RECQL5: variants seen among roughly 807,000 people sequenced by gnomAD.
RECQL5 encodes ATP-dependent DNA helicase Q5.
In RECQL5, 88 loss-of-function variants were observed where a neutral mutation model predicts 103.4. The ratio of observed to expected loss-of-function variants is 0.85; its 90% CI spans 0.72 to 1.02. The LOEUF is 1.02. Ranked by LOEUF, RECQL5 falls within the 50% of genes least tolerant of loss-of-function variation. RECQL5 has a pLI of 0.00. For missense variants in RECQL5, 1,232 were observed against 1,284.3 expected, an observed-to-expected ratio of 0.96 and a Z score of 0.62; for synonymous variants, 552 against 507.9, an observed-to-expected ratio of 1.09 and a Z score of -1.17.
At chr17:75,655,222 C>T (rs1473219803) in intron 7 of RECQL5, among the ~76,000 whole-genome samples, 1 of 152,218 alleles carries the variant, frequency 6.6e-6, no homozygotes, top group African/African-American at 2.4e-5. Context: ...CAGGAGCCCG[C>T]CACCACGCGC....
rs2059702024 is a variant in RECQL5, at chr17:75,661,723, G to A, written c.772-15C>T. 6.3e-7 allele frequency: 1 copy of A among 1,594,924 alleles called. No homozygotes were observed. The highest frequency in any genetic ancestry group is 8.6e-7 in the Non-Finnish European group (1 of 1,162,786). ...CAGCCAGATAACTGAATGGGGAGAT[G>A]CAGGAAGAAAATAAGCATAGCAAGA... On this transcript the variant is annotated splice_polypyrimidine_tract_variant and intron_variant, in intron 4 of 19. Transcript: ENST00000317905.
intron 7 of RECQL5, among the ~76,000 whole-genome samples, chr17:75,657,008 T>C (rs980884572): frequency 5.9e-5 from 9 of 152,184 alleles, no homozygotes; most frequent in African/African-American, 2.2e-4. Flanking sequence ...CCTCCCAAAG[T>C]GCTGGGATTA....
chr17:75,656,838 G>A (rs1275516347), intron 7 of RECQL5, among the ~76,000 whole-genome samples: 2 of 150,766 alleles, frequency 1.3e-5, no homozygotes, highest in Non-Finnish European at 2.9e-5. Context: ...TCTGCCTCCT[G>A]GGTTCACGCC....
At chr17:75,649,915 G>C (rs1447932102) in intron 8 of RECQL5, 1 of 985,482 alleles carries the variant, frequency 1.0e-6, no homozygotes, top group Non-Finnish European at 1.2e-6. Context: ...GAAGGTGACA[G>C]GAGAAATGAA....
In RECQL5 at chr17:75,662,656, C is replaced by T; in HGVS notation, c.594G>A (p.Gln198=). The T allele has an allele frequency of 6.2e-7, 1 of 1,614,148 alleles. No individual in the cohort carries two copies. Among genetic ancestry groups the T allele is most frequent in the Non-Finnish European group, 8.5e-7 (1 of 1,180,038 alleles). The change falls in exon 4 of 20, where the codon CAG becomes CAA. Residue 198 remains glutamine (Q), a synonymous_variant. Coordinates refer to ENST00000317905, the MANE Select transcript of RECQL5 (RefSeq NM_004259.7). ...CVALTATATP[Q]VQEDVFAALH... ...GGGCAGCAAACACGTCCTCTTGGAC[C>T]TGTGGGGTGGCTGTGGCGGTCAGAG...
At position 75,631,645 on chromosome 17, in the gene RECQL5, T is replaced by C. The variant is rs1396725975; in HGVS notation, c.1253A>G (p.Lys418Arg). ...GGCAGGCAGCGCATCCCCGAAGTACTTGGCAATGGCGGCATGGCGGCACCT... is the reference window on the plus strand; with the variant it reads ...GGCAGGCAGCGCATCCCCGAAGTACCTGGCAATGGCGGCATGGCGGCACCT... ...ELGCRHAAIA[K>R]YFGDALPACA... The change falls in exon 9 of 20, where the codon AAG becomes AGG. Residue 418 changes from lysine to arginine, a missense_variant. Transcript: ENST00000317905. The C allele has an allele frequency of 1.2e-6, 2 of 1,611,522 alleles. No individual in the cohort carries two copies. Among genetic ancestry groups the C allele is most frequent in the South Asian group, 1.1e-5 (1 of 90,996 alleles).
chr17:75,645,161 A>G (rs1460250337), intron 8 of RECQL5, among the ~76,000 whole-genome samples: 1 of 152,242 alleles, frequency 6.6e-6, no homozygotes, highest in Non-Finnish European at 1.5e-5. Context: ...AGGCAAAGGA[A>G]GCTGGGTGTG....
intron 8 of RECQL5, chr17:75,634,086 G>C: frequency 1.0e-6 from 1 of 985,632 alleles, no homozygotes; most frequent in African/African-American, 1.7e-5. Flanking sequence ...TGTCAGCAGA[G>C]GAGCTGGGCT....
chr17:75,644,446 T>C (rs969658294), intron 8 of RECQL5, among the ~76,000 whole-genome samples: 6 of 149,858 alleles, frequency 4.0e-5, no homozygotes, highest in East Asian at 3.9e-4. Context: ...TCCCTACAAA[T>C]ATAAAAAAAA....
Position 75,665,194 on chromosome 17 carries a change from A to G in RECQL5, c.131-22T>C, listed in dbSNP as rs373347915. The stretch of plus-strand genomic sequence containing the variant: ...TTACCTGAAAAAATACAAGACAACA[A>G]TATCTCAGTGCTTCCTGCCTTTTCA... On this transcript the variant is annotated intron_variant, in intron 2 of 19. Coordinates refer to ENST00000317905, the MANE Select transcript of RECQL5 (RefSeq NM_004259.7). 33 of 1,599,654 alleles carry G rather than the reference A, an allele frequency of 2.1e-5. No individual in the cohort carries two copies. The African/African-American group carries it at 3.6e-4, about 18-fold the overall frequency.
intron 8 of RECQL5, chr17:75,647,512 G>C: frequency 1.3e-6 from 2 of 1,550,390 alleles, no homozygotes; most frequent in South Asian, 2.4e-5. Context: ...CATCGTGTTT[G>C]GTTTACTCAC....
Position 75,666,479 on chromosome 17 carries a change from C to A in RECQL5, c.79G>T (p.Asp27Tyr). The A allele has an allele frequency of 6.2e-7, 1 of 1,614,140 alleles. No individual in the cohort carries two copies. The highest frequency in any genetic ancestry group is 8.5e-7 in the Non-Finnish European group (1 of 1,180,034). Residue 27 changes from aspartate to tyrosine, a missense_variant, in exon 2 of 20, where the codon GAC becomes TAC. Coordinates refer to ENST00000317905, the MANE Select transcript of RECQL5 (RefSeq NM_004259.7). ...RSTLKKVFGFDSFKTPLQESA... is the reference protein window; with the variant it reads ...RSTLKKVFGFYSFKTPLQESA... ...TCCTGTAAAGGCGTCTTAAAAGAGT[C>A]AAACCCAAAGACCTTCTTCAGCGTA...
chr17:75,627,496 T>C lies in RECQL5; in HGVS notation c.2902A>G (p.Arg968Gly). The C allele has an allele frequency of 6.2e-7, 1 of 1,613,894 alleles. No homozygotes were observed. The highest frequency in any genetic ancestry group is 1.1e-5 in the South Asian group (1 of 91,090). Residue 968 changes from arginine (R) to glycine (G), a missense_variant, in exon 20 of 20, where the codon AGG becomes GGG. By Grantham distance (125) the Arg-to-Gly change is moderately radical. Coordinates refer to ENST00000317905, the MANE Select transcript of RECQL5 (RefSeq NM_004259.7). ...CGGGCCCGGCCATGGAAGAAGTGCC[T>C]GATGAGGTTCTGGGCCTCTTCTTTC... ...SVKEEAQNLI[R>G]HFFHGRARCE...
At position 75,628,430 on chromosome 17, in the gene RECQL5, T is replaced by G. The variant is rs552075479; in HGVS notation, c.2593A>C (p.Ser865Arg). 1 of 1,613,472 alleles carries G rather than the reference T, an allele frequency of 6.2e-7. No homozygotes were observed. The highest frequency in any genetic ancestry group is 1.1e-5 in the South Asian group (1 of 91,078). ...GGGCGTGGCCTCTTCTGAGGCTGGC[T>G]CTCTGGGTTCTCCTGAGAAGGGCCA... ...RPRSQQENPE[S>R]QPQKRPRPSA... is the part of the protein sequence containing the mutation. Residue 865 changes from serine (S) to arginine (R), a missense_variant, in exon 18 of 20, where the codon AGC (serine) becomes CGC (arginine). Transcript: ENST00000317905.
chr17:75,627,350 A>G lies in RECQL5; in HGVS notation c.*72T>C. The G allele has an allele frequency of 8.8e-7, 1 of 1,140,052 alleles. No individual in the cohort carries two copies. Among genetic ancestry groups the G allele is most frequent in the Non-Finnish European group, 1.3e-6 (1 of 757,286 alleles). The allele number at this position is 1,140,052 out of a possible 1,614,324, so 70.6% of individuals were successfully genotyped here. On this transcript the variant is annotated 3_prime_UTR_variant, in exon 20 of 20. Transcript: ENST00000317905. ...GAGAAAAGACGATGGCCCTGGCATC[A>G]GCAGGTGAGGCCCAGGATGACCCAT...
chr17:75,658,419 T>C lies in RECQL5; in HGVS notation c.1028A>G (p.Tyr343Cys), dbSNP rs754357449. ...HWNIAKSMAG[Y>C]YQESGRAGRD... Reference sequence around the variant, plus strand: ...GCCAGCCCGGCCAGACTCCTGGTAGTACCCAGCCATAGACTTGGCAATATT... The same window carrying C: ...GCCAGCCCGGCCAGACTCCTGGTAGCACCCAGCCATAGACTTGGCAATATT... The change falls in exon 7 of 20, where the codon TAC becomes TGC. Residue 343 changes from tyrosine to cysteine, a missense_variant. Transcript: ENST00000317905. The C allele has an allele frequency of 2.5e-6, 4 of 1,613,994 alleles. No individual in the cohort carries two copies. The highest frequency in any genetic ancestry group is 2.5e-6 in the Non-Finnish European group (3 of 1,179,926).
Position 75,629,568 on chromosome 17 carries a change from C to T in RECQL5, c.1948-93G>A. ...AGCAGTAACTCACATTGGGACGGGG[C>T]TCTCAGGAGTGTGGGAGGGAAGAGG... On this transcript the variant is annotated intron_variant, in intron 15 of 19. Coordinates refer to ENST00000317905, the MANE Select transcript of RECQL5 (RefSeq NM_004259.7). The T allele has an allele frequency of 6.7e-6, 10 of 1,499,748 alleles. No homozygotes were observed. In the South Asian group the frequency reaches 1.2e-4, roughly 18 times the overall value. The allele number at this position is 1,499,748 out of a possible 1,614,324, so 92.9% of individuals were successfully genotyped here. A position where few individuals can be genotyped will look rare whatever the true frequency, so the allele number is the denominator to read the frequency against.
At chr17:75,647,645 T>A (rs1599031411) in intron 8 of RECQL5, 1 of 1,399,666 alleles carries the variant, frequency 7.1e-7, no homozygotes, top group Non-Finnish European at 9.8e-7. Flanking sequence ...CCCTTCGCGG[T>A]TCCCTCTGGC....
Position 75,630,848 on chromosome 17 carries a change from G to C in RECQL5, c.1586-11C>G, listed in dbSNP as rs774491322. The C allele has an allele frequency of 1.6e-3, 2,302 of 1,457,008 alleles. 33 individuals carry two copies. Among genetic ancestry groups the C allele is most frequent in the Non-Finnish European group, 2.0e-3 (2,145 of 1,083,424 alleles). 90.3% of individuals were successfully genotyped at this position (1,457,008 alleles called of 1,614,324 possible). A position where few individuals can be genotyped will look rare whatever the true frequency, so the allele number is the denominator to read the frequency against. On this transcript the variant is annotated splice_polypyrimidine_tract_variant and intron_variant, in intron 11 of 19. Transcript: ENST00000317905. Reference sequence around the variant, plus strand: ...GGGGACAGTTCTCATCTGTGGGGGGGGGGGGTGGTCCTTGGTCCTTTCGCT... The same window carrying C: ...GGGGACAGTTCTCATCTGTGGGGGGCGGGGGTGGTCCTTGGTCCTTTCGCT...
Sources: gnomAD v4.1 joint callset for allele counts (sites outside exome capture counted in the v4.1 genomes callset) on GRCh38, gnomAD v4.1.1 for gene constraint, MANE v1.5 for transcripts, NCBI Gene and HGNC (gene_info 2026-07-23, HGNC 2026-07-21) for gene names.